The following REPS2 variants were observed in gnomAD, a reference collection of about 807,000 sequenced individuals.
The protein encoded by REPS2 is RALBP1 associated Eps domain containing 2.
Under a neutral mutation model 53.6 loss-of-function variants are expected in REPS2, and 23 were observed. That is an observed-to-expected ratio of 0.43 (90% CI 0.31 to 0.61). REPS2 has a LOEUF of 0.61. Ranked by LOEUF, REPS2 falls within the 20% of genes least tolerant of loss-of-function variation. The pLI is 0.11. For synonymous variants in REPS2, 238 were observed against 218.6 expected, an observed-to-expected ratio of 1.09 and a Z score of -0.78; for missense variants, 446 against 534.9, an observed-to-expected ratio of 0.83 and a Z score of 1.64.
Position 16,946,726 on chromosome X carries a change from T to TAA in REPS2, c.-136_-135insAA, listed in dbSNP as rs2060430682. 3.8e-6 allele frequency: 2 copies of TAA among 522,375 alleles called. No homozygotes were observed. Among genetic ancestry groups the TAA allele is most frequent in the African/African-American group, 6.8e-5 (2 of 29,384 alleles). The allele number at this position is 522,375 out of a possible 1,213,427, so 43.0% of individuals were successfully genotyped here. Reference sequence around the variant, plus strand: ...GCGGCCGCGCGGCAGCTGCGGGGCGTGGGGGTGGTGGTGGCGGCGGCGGTG... The same window carrying TAA: ...GCGGCCGCGCGGCAGCTGCGGGGCGTAAGGGGGTGGTGGTGGCGGCGGCGGTG... On this transcript the variant is annotated 5_prime_UTR_variant, in exon 1 of 18. Transcript: ENST00000357277.
intron 7 of REPS2, among the ~76,000 whole-genome samples, chrX:17,054,154 TC>T (rs1356213642): frequency 8.9e-6 from 1 of 112,009 alleles, no homozygotes. Context: ...TGTTTGAGAC[TC>T]CCCCTTTCTT....
At chrX:17,021,771 G>A (rs1399033867) in intron 2 of REPS2, among the ~76,000 whole-genome samples, 4 of 112,417 alleles carry the variant, frequency 3.6e-5, no homozygotes, top group Middle Eastern at 9.3e-3. Flanking sequence ...GCATATTTAA[G>A]CATTATATGA....
intron 14 of REPS2, among the ~76,000 whole-genome samples, chrX:17,132,250 G>A (rs1338619457): frequency 1.8e-5 from 2 of 112,360 alleles, no homozygotes; most frequent in African/African-American, 6.5e-5. Context: ...GTCTTTCAAG[G>A]GTTCTCGCTG....
chrX:17,026,812 G>A (rs1157433364), intron 4 of REPS2, among the ~76,000 whole-genome samples: 2 of 111,506 alleles, frequency 1.8e-5, no homozygotes, highest in African/African-American at 6.5e-5. Flanking sequence ...TTTTGAGACA[G>A]GTTCTCACTT....
chrX:16,951,693 G>A (rs1165321060), intron 1 of REPS2, among the ~76,000 whole-genome samples: 1 of 111,427 alleles, frequency 9.0e-6, no homozygotes, highest in Non-Finnish European at 1.9e-5. Context: ...TCCAGCCTGG[G>A]TGAAAGAGCC....
chrX:17,160,808 A>AT, the REPS2 span, among the ~76,000 whole-genome samples: 1 of 112,242 alleles, frequency 8.9e-6, no homozygotes, highest in South Asian at 3.7e-4. Flanking sequence ...GGACTTAAAA[A>AT]TTGCTTTGGG....
chrX:17,084,311 T>C (rs2062501829), intron 13 of REPS2, among the ~76,000 whole-genome samples: 1 of 112,275 alleles, frequency 8.9e-6, no homozygotes, highest in South Asian at 3.7e-4. Context: ...ATTTTGGATA[T>C]TTGGGTTGTT....
At chrX:17,047,546 T>C in intron 6 of REPS2, 64 bp downstream of exon 6, 1 of 1,144,913 alleles carries the variant, frequency 8.7e-7, no homozygotes, top group Non-Finnish European at 1.2e-6. Context: ...TGAGAAATCA[T>C]TCACGCAAAA....
chrX:17,108,267 C>G (rs764064197), intron 14 of REPS2, among the ~76,000 whole-genome samples: 1 of 109,209 alleles, frequency 9.2e-6, no homozygotes, highest in South Asian at 4.1e-4. Flanking sequence ...TCCACCTCCC[C>G]GGTTCAAGCG....
intron 17 of REPS2, among the ~76,000 whole-genome samples, chrX:17,139,683 T>C (rs983076935): frequency 9.0e-6 from 1 of 111,681 alleles, no homozygotes; most frequent in Non-Finnish European, 1.9e-5. Context: ...GATCCTTCCT[T>C]ACCTCTTCCC....
intron 1 of REPS2, among the ~76,000 whole-genome samples, chrX:16,978,282 G>C (rs1469179731): frequency 8.9e-6 from 1 of 111,956 alleles, no homozygotes; most frequent in Non-Finnish European, 1.9e-5. Flanking sequence ...GCTTGTTTTG[G>C]ATTACTGAGT....
At chrX:17,058,440 T>A (rs2062105098) in intron 8 of REPS2, among the ~76,000 whole-genome samples, 1 of 76,404 alleles carries the variant, frequency 1.3e-5, no homozygotes, top group Admixed American at 1.7e-4. Context: ...GTGACAGAGC[T>A]AGACTCCTTC....
At chrX:17,118,532 A>G (rs770562993) in intron 14 of REPS2, among the ~76,000 whole-genome samples, 1 of 112,183 alleles carries the variant, frequency 8.9e-6, no homozygotes, top group South Asian at 3.7e-4. Context: ...GAAGTTAACT[A>G]CTTGGGCCTC....
intron 1 of REPS2, among the ~76,000 whole-genome samples, chrX:16,966,429 G>T (rs1344296982): frequency 1.8e-5 from 2 of 112,043 alleles, no homozygotes; most frequent in Admixed American, 1.9e-4. Context: ...GAATATTTGC[G>T]TTTACATAAT....
chrX:17,083,864 TTTTTG>T (rs967221656), intron 13 of REPS2, among the ~76,000 whole-genome samples: 3 of 110,999 alleles, frequency 2.7e-5, no homozygotes, highest in Non-Finnish European at 5.7e-5. Context: ...CTGGGCAGTT[TTTTTG>T]TTTTGTTTTG....
At chrX:17,134,530 C>T (rs1240295412) in intron 15 of REPS2, among the ~76,000 whole-genome samples, 2 of 112,038 alleles carry the variant, frequency 1.8e-5, no homozygotes, top group Non-Finnish European at 3.8e-5. Flanking sequence ...CACTGTGGCT[C>T]TTTTTCTTGA....
chrX:17,039,191 A>AT (rs2061801459), intron 5 of REPS2, among the ~76,000 whole-genome samples: 1 of 111,504 alleles, frequency 9.0e-6, no homozygotes, highest in African/African-American at 3.3e-5. Context: ...CTGATTTCTC[A>AT]TTTTTCTTGG....
chrX:17,010,216 T>C (rs1377400713), intron 2 of REPS2, among the ~76,000 whole-genome samples: 1 of 112,507 alleles, frequency 8.9e-6, no homozygotes, highest in Non-Finnish European at 1.9e-5. Context: ...TGGAATAGAA[T>C]TGCTAAATTA....
chrX:17,154,061 A>G (rs1371661318), downstream of REPS2, among the ~76,000 whole-genome samples: 4 of 111,812 alleles, frequency 3.6e-5, no homozygotes, highest in East Asian at 5.7e-4. Flanking sequence ...CTGAATCAGG[A>G]ACCCTGGTAG....
Sources: gnomAD v4.1 joint callset for allele counts (sites outside exome capture counted in the v4.1 genomes callset) on GRCh38, gnomAD v4.1.1 for gene constraint, MANE v1.5 for transcripts, NCBI Gene and HGNC (gene_info 2026-07-23, HGNC 2026-07-21) for gene names.